The following PAK5 variants were observed in gnomAD, a reference collection of about 807,000 sequenced individuals.
PAK5 encodes p21 (RAC1) activated kinase 5.
Under a neutral mutation model 65.9 loss-of-function variants are expected in PAK5, and 16 were observed. The ratio of observed to expected loss-of-function variants is 0.24; its 90% CI spans 0.16 to 0.37. PAK5 has a LOEUF of 0.37. Ranked by LOEUF, PAK5 falls within the 10% of genes least tolerant of loss-of-function variation. The pLI, the probability that PAK5 is intolerant of heterozygous loss-of-function variation, is 1.00. For missense variants in PAK5, 785 were observed against 903.9 expected, an observed-to-expected ratio of 0.87 and a Z score of 1.69; for synonymous variants, 371 against 354.9, an observed-to-expected ratio of 1.05 and a Z score of -0.51.
intron 7 of PAK5, among the ~76,000 whole-genome samples, chr20:9,544,895 A>T (rs1286507277): frequency 6.6e-6 from 1 of 152,212 alleles, no homozygotes; most frequent in Non-Finnish European, 1.5e-5. Flanking sequence ...TTTTGAACAA[A>T]CTGATGTAAT....
chr20:9,751,867 C>T (rs898630470), intron 1 of PAK5, among the ~76,000 whole-genome samples: 3 of 152,070 alleles, frequency 2.0e-5, no homozygotes, highest in African/African-American at 7.2e-5. Flanking sequence ...GTAAAAAATT[C>T]ATGTAGGGAG....
intron 3 of PAK5, among the ~76,000 whole-genome samples, chr20:9,601,121 C>T (rs2046352132): frequency 6.6e-6 from 1 of 152,150 alleles, no homozygotes; most frequent in African/African-American, 2.4e-5. Context: ...ACAAGGCCTC[C>T]TTAGTAAATG....
At position 9,543,018 on chromosome 20, in the gene PAK5, G is replaced by A. The variant is rs547238026; in HGVS notation, c.1870-298C>T. ...AACTTTAGTAGTTAACTGTCTATCAGGGCAGATGAGAAAATCATCCGGTTT... is the reference window on the plus strand; with the variant it reads ...AACTTTAGTAGTTAACTGTCTATCAAGGCAGATGAGAAAATCATCCGGTTT... On this transcript the variant is annotated intron_variant, in intron 8 of 9. Transcript: ENST00000353224. Among the ~76,000 whole-genome samples, 3 of 152,220 alleles carry A rather than the reference G, an allele frequency of 2.0e-5. No homozygotes were observed. The South Asian group carries it at 6.2e-4, about 32-fold the overall frequency.
chr20:9,754,153 T>C (rs1304824141), intron 1 of PAK5, among the ~76,000 whole-genome samples: 1 of 152,214 alleles, frequency 6.6e-6, no homozygotes, highest in African/African-American at 2.4e-5. Context: ...TGGTAACCAC[T>C]GAAAATTAGG....
At chr20:9,567,256 G>A (rs574132616) in intron 4 of PAK5, among the ~76,000 whole-genome samples, 1 of 152,068 alleles carries the variant, frequency 6.6e-6, no homozygotes, top group Admixed American at 6.6e-5. Flanking sequence ...TACATAGAAG[G>A]TACTCAGAAA....
At chr20:9,587,296 A>G (rs2046087176) in intron 3 of PAK5, among the ~76,000 whole-genome samples, 2 of 152,214 alleles carry the variant, frequency 1.3e-5, no homozygotes, top group Admixed American at 1.3e-4. Flanking sequence ...ACTATTAGTA[A>G]CTTTAGATAC....
intron 1 of PAK5, among the ~76,000 whole-genome samples, chr20:9,750,024 A>G (rs764026058): frequency 6.6e-6 from 1 of 152,200 alleles, no homozygotes; most frequent in Non-Finnish European, 1.5e-5. Context: ...TCAGTGTTTT[A>G]TAGATCCTGG....
chr20:9,641,350 T>G (rs2047057583), intron 3 of PAK5, among the ~76,000 whole-genome samples: 1 of 149,864 alleles, frequency 6.7e-6, no homozygotes, highest in Admixed American at 6.6e-5. Flanking sequence ...CCAGAGCAGC[T>G]AGATACAGAG....
intron 1 of PAK5, among the ~76,000 whole-genome samples, chr20:9,740,550 C>T (rs562220281): frequency 3.3e-5 from 5 of 152,300 alleles, no homozygotes; most frequent in South Asian, 2.1e-4. Flanking sequence ...GACTGAGCAA[C>T]GTATTTGTCC....
At chr20:9,539,686 C>T (rs1352163577) in intron 9 of PAK5, 69 bp from the exon 10 acceptor site, 9 of 1,287,994 alleles carry the variant, frequency 7.0e-6, no homozygotes, top group Non-Finnish European at 9.9e-6. Flanking sequence ...AAAATGTTTT[C>T]CCCATTCATC....
At chr20:9,655,407 T>G (rs2123312323) in intron 2 of PAK5, among the ~76,000 whole-genome samples, 1 of 152,192 alleles carries the variant, frequency 6.6e-6, no homozygotes, top group South Asian at 2.1e-4. Context: ...TGTGTGGGAC[T>G]TGCTTTTTTT....
chr20:9,539,514 G>C lies in PAK5; in HGVS notation c.2108C>G (p.Ala703Gly), dbSNP rs777734851. ...GGGGACGATGCAAGACGGTGGACCT[G>C]CTAGTTTTAAGAATGGATGTCCGAG... ...ELLGHPFLKL[A>G]GPPSCIVPLM... is the part of the protein sequence containing the mutation. The change falls in exon 10 of 10, where the codon GCA becomes GGA. Residue 703 changes from alanine (A) to glycine (G), a missense_variant. Transcript: ENST00000353224. 2 of 1,613,944 alleles carry C rather than the reference G, an allele frequency of 1.2e-6. No individual in the cohort carries two copies. Among genetic ancestry groups the C allele is most frequent in the East Asian group, 2.2e-5 (1 of 44,878 alleles).
chr20:9,816,491 A>G lies in PAK5; in HGVS notation c.-162+22271T>C, dbSNP rs1041755666. Among the ~76,000 whole-genome samples, 3 of 152,182 alleles carry G rather than the reference A, an allele frequency of 2.0e-5. 1 individual carries two copies. The highest frequency in any genetic ancestry group is 6.6e-5 in the Admixed American group (1 of 15,264). ...GGTAAAGTGAATTGCCTTCCCCAAC[A>G]TGAGTGGGCATTATCCAATCCATTG... is the stretch of plus-strand genomic sequence containing the variant. On this transcript the variant is annotated intron_variant, in intron 1 of 9. Transcript: ENST00000353224.
Position 9,602,223 on chromosome 20 carries a change from G to A in PAK5, c.205-21293C>T, listed in dbSNP as rs372108770. ...GGAGAATCACTTGAACCCAGGAGGC[G>A]GAGGTTGCAGTGAGCCGAGATCACA... On this transcript the variant is annotated intron_variant, in intron 3 of 9. Transcript: ENST00000353224. Among the ~76,000 whole-genome samples, 796 of 150,700 alleles carry A rather than the reference G, an allele frequency of 5.3e-3. 13 individuals carry two copies. Among genetic ancestry groups the A allele is most frequent in the African/African-American group, 0.018 (757 of 40,936 alleles).
chr20:9,595,727 T>C (rs753941855), intron 3 of PAK5, among the ~76,000 whole-genome samples: 5 of 152,188 alleles, frequency 3.3e-5, no homozygotes, highest in African/African-American at 1.2e-4. Flanking sequence ...GGAATGTTCT[T>C]GAAGACATCG....
Position 9,784,494 on chromosome 20 carries a change from G to T in PAK5, c.-162+54268C>A, listed in dbSNP as rs147946017. 1.9e-4 allele frequency: 29 copies of T among 152,274 alleles called. 1 individual carries two copies. In the East Asian group the frequency reaches 5.4e-3, roughly 28 times the overall value. 9.4% of individuals were successfully genotyped at this position (152,274 alleles called of 1,614,324 possible). ...CCATGGGGCTGGATATGATTATACT[G>T]GGAGACAGAAACCTGAAGATAAAAG... On this transcript the variant is annotated intron_variant, in intron 1 of 9. Transcript: ENST00000353224.
chr20:9,691,452 C>T (rs915115990), intron 2 of PAK5, among the ~76,000 whole-genome samples: 3 of 152,134 alleles, frequency 2.0e-5, no homozygotes, highest in East Asian at 3.9e-4. Context: ...AAAAGACTGT[C>T]GGTCATTTTT....
intron 2 of PAK5, among the ~76,000 whole-genome samples, chr20:9,654,411 A>G (rs1368792600): frequency 6.6e-6 from 1 of 152,116 alleles, no homozygotes; most frequent in East Asian, 1.9e-4. Flanking sequence ...CCCCTTACAG[A>G]TTTCAGGGAT....
At chr20:9,542,136 C>A (rs1251394179) in intron 9 of PAK5, among the ~76,000 whole-genome samples, 2 of 152,146 alleles carry the variant, frequency 1.3e-5, no homozygotes, top group South Asian at 2.1e-4. Flanking sequence ...ATAGTATGTA[C>A]CACACTCTGA....
Sources: allele counts gnomAD v4.1 joint callset (sites outside exome capture counted in the v4.1 genomes callset), GRCh38; gene constraint gnomAD v4.1.1; transcripts MANE v1.5; gene names NCBI Gene and HGNC (gene_info 2026-07-23, HGNC 2026-07-21).